The following IMMP2L variants were observed in gnomAD, a reference collection of about 807,000 sequenced individuals.
IMMP2L encodes the protein inner mitochondrial membrane peptidase subunit 2, also known as mitochondrial inner membrane protease subunit 2.
Under a neutral mutation model 19.3 loss-of-function variants are expected in IMMP2L, and 18 were observed. That is an observed-to-expected ratio of 0.93 (90% CI 0.64 to 1.38). The LOEUF (loss-of-function observed/expected upper bound fraction) is 1.38. Ranked by LOEUF, IMMP2L falls within the 40% of genes most tolerant of loss-of-function variation. The pLI, the probability that IMMP2L is intolerant of heterozygous loss-of-function variation, is 0.00. For missense variants in IMMP2L, 233 were observed against 218.2 expected, an observed-to-expected ratio of 1.07 and a Z score of -0.43; for synonymous variants, 76 against 73.0, an observed-to-expected ratio of 1.04 and a Z score of -0.21.
intron 3 of IMMP2L, among the ~76,000 whole-genome samples, chr7:111,166,567 C>G (rs1304217615): frequency 6.6e-6 from 1 of 151,964 alleles, no homozygotes; most frequent in East Asian, 1.9e-4. Flanking sequence ...TTGGTTAATT[C>G]GTGCCCCACA....
intron 3 of IMMP2L, among the ~76,000 whole-genome samples, chr7:111,249,365 C>T (rs1241728738): frequency 7.0e-6 from 1 of 143,120 alleles, no homozygotes; most frequent in Non-Finnish European, 1.5e-5. Flanking sequence ...GGCAATGCCT[C>T]GCCCTGCTTC....
chr7:110,867,137 A>G (rs550247790), intron 5 of IMMP2L, among the ~76,000 whole-genome samples: 45 of 152,078 alleles, frequency 3.0e-4, no homozygotes, highest in Non-Finnish European at 1.0e-4. Flanking sequence ...AAACAACAGA[A>G]ATTCATTTTC....
At chr7:111,199,988 T>C (rs1275155129) in intron 3 of IMMP2L, among the ~76,000 whole-genome samples, 1 of 152,104 alleles carries the variant, frequency 6.6e-6, no homozygotes, top group African/African-American at 2.4e-5. Flanking sequence ...GTTTCTCTAT[T>C]AAAACATGAC....
At chr7:111,426,710 C>A (rs1183470204) in intron 3 of IMMP2L, among the ~76,000 whole-genome samples, 1 of 151,198 alleles carries the variant, frequency 6.6e-6, no homozygotes, top group Non-Finnish European at 1.5e-5. Flanking sequence ...TTCTAAGCAA[C>A]CTAACCAAAA....
At chr7:111,044,382 A>G (rs995743707) in intron 3 of IMMP2L, among the ~76,000 whole-genome samples, 1 of 152,166 alleles carries the variant, frequency 6.6e-6, no homozygotes, top group Non-Finnish European at 1.5e-5. Context: ...CAACATGGTG[A>G]AACCCCGTCT....
intron 3 of IMMP2L, among the ~76,000 whole-genome samples, chr7:111,444,182 C>G (rs1226512360): frequency 1.3e-5 from 2 of 152,006 alleles, no homozygotes; most frequent in African/African-American, 4.8e-5. Context: ...ATTACATTGT[C>G]CTTTTTCTGA....
intron 2 of IMMP2L, among the ~76,000 whole-genome samples, chr7:111,487,681 C>G (rs971985024): frequency 1.5e-4 from 23 of 152,046 alleles, no homozygotes; most frequent in African/African-American, 5.6e-4. Flanking sequence ...AACAAAATAT[C>G]CAGATAGGAT....
chr7:111,240,009 G>A (rs999288524), intron 3 of IMMP2L, among the ~76,000 whole-genome samples: 9 of 151,810 alleles, frequency 5.9e-5, no homozygotes, highest in Non-Finnish European at 1.2e-4. Context: ...TAATAATTTG[G>A]CATTACCACC....
rs144300541 is a variant in IMMP2L, at chr7:110,868,127, G to A, written c.408+18466C>T. Among the ~76,000 whole-genome samples, 508 of 151,826 alleles carry A rather than the reference G, an allele frequency of 3.3e-3. 1 individual carries two copies. Among genetic ancestry groups the A allele is most frequent in the African/African-American group, 0.012 (477 of 41,382 alleles). Reference sequence around the variant, plus strand: ...AGGTTCTTGTGAGGTTTGTGTGTGTGTGTGTGTGTGTGTGTGTAACCAAGC... The same window carrying A: ...AGGTTCTTGTGAGGTTTGTGTGTGTATGTGTGTGTGTGTGTGTAACCAAGC... On this transcript the variant is annotated intron_variant, in intron 5 of 5. Transcript: ENST00000405709.
chr7:110,973,355 T>C lies in IMMP2L; in HGVS notation c.240-9790A>G, dbSNP rs188607506. On this transcript the variant is annotated intron_variant, in intron 3 of 5. Coordinates refer to ENST00000405709, the MANE Select transcript of IMMP2L (RefSeq NM_032549.4). ...GAAAAATTCCTAGCTGCCAGTGTTC[T>C]ACACATAGAACACCAAAGAAATCCC... is the stretch of plus-strand genomic sequence containing the variant. Among the ~76,000 whole-genome samples the C allele has an allele frequency of 7.2e-5, 11 of 152,194 alleles. No homozygotes were observed. The East Asian group carries it at 1.9e-3, about 27-fold the overall frequency.
At chr7:110,733,303 G>A (rs996723250) in intron 5 of IMMP2L, among the ~76,000 whole-genome samples, 1 of 152,130 alleles carries the variant, frequency 6.6e-6, no homozygotes, top group African/African-American at 2.4e-5. Context: ...ATCACATGTA[G>A]AATTTATGCA....
Position 111,414,116 on chromosome 7 carries a change from C to T in IMMP2L, c.239+73122G>A, listed in dbSNP as rs1412449639. Among the ~76,000 whole-genome samples the T allele has an allele frequency of 2.6e-5, 4 of 151,780 alleles. 1 individual carries two copies. The highest frequency in any genetic ancestry group is 9.7e-5 in the African/African-American group (4 of 41,100). ...GTGAACTTGACCCCCTCCTCAGGGG[C>T]TGGCTCACTTCCACCACATACCACA... On this transcript the variant is annotated intron_variant, in intron 3 of 5. Transcript: ENST00000405709.
intron 5 of IMMP2L, among the ~76,000 whole-genome samples, chr7:110,862,236 A>AT (rs993681834): frequency 2.1e-4 from 31 of 150,466 alleles, no homozygotes; most frequent in African/African-American, 6.3e-4. Context: ...TATTTTATTT[A>AT]TTTTTTTTTA....
intron 3 of IMMP2L, among the ~76,000 whole-genome samples, chr7:111,260,794 T>C (rs777794539): frequency 6.6e-6 from 1 of 152,118 alleles, no homozygotes; most frequent in Non-Finnish European, 1.5e-5. Flanking sequence ...AATTATACTA[T>C]AAATACGTGA....
chr7:111,450,442 A>G (rs1472086929), intron 3 of IMMP2L, among the ~76,000 whole-genome samples: 1 of 152,080 alleles, frequency 6.6e-6, no homozygotes, highest in Admixed American at 6.5e-5. Flanking sequence ...AAACCTGACA[A>G]AAACAAGCAA....
chr7:110,956,473 T>C (rs1035318161), intron 4 of IMMP2L, among the ~76,000 whole-genome samples: 1 of 152,024 alleles, frequency 6.6e-6, no homozygotes, highest in Non-Finnish European at 1.5e-5. Flanking sequence ...GTCAGGCCCA[T>C]GAACTAAACA....
chr7:111,348,046 C>G (rs772572275), intron 3 of IMMP2L, among the ~76,000 whole-genome samples: 4 of 148,852 alleles, frequency 2.7e-5, no homozygotes, highest in Non-Finnish European at 4.4e-5. Context: ...GGACAGAAAA[C>G]CAAATACTGC....
At chr7:111,131,730 C>CT (rs1266459881) in intron 3 of IMMP2L, among the ~76,000 whole-genome samples, 1 of 151,788 alleles carries the variant, frequency 6.6e-6, no homozygotes, top group Non-Finnish European at 1.5e-5. Flanking sequence ...CATGAAATTT[C>CT]TTTGAGTTCA....
chr7:111,318,155 G>T (rs903429656), intron 3 of IMMP2L, among the ~76,000 whole-genome samples: 1 of 152,132 alleles, frequency 6.6e-6, no homozygotes, highest in African/African-American at 2.4e-5. Context: ...ATATAGGTCA[G>T]AATCTAAAAA....
Sources: gnomAD v4.1 joint callset for allele counts (sites outside exome capture counted in the v4.1 genomes callset) on GRCh38, gnomAD v4.1.1 for gene constraint, MANE v1.5 for transcripts, NCBI Gene and HGNC (gene_info 2026-07-23, HGNC 2026-07-21) for gene names.